Variants in MBNL1 observed in about 807,000 individuals in gnomAD.
The protein encoded by MBNL1 is muscleblind-like protein 1.
Under a neutral mutation model 42.2 loss-of-function variants are expected in MBNL1, and 8 were observed. That is an observed-to-expected ratio of 0.19 (90% CI 0.11 to 0.34). The LOEUF (loss-of-function observed/expected upper bound fraction) is 0.34. MBNL1 is among the 10% of genes least tolerant of loss of function. The pLI, the probability that MBNL1 is intolerant of heterozygous loss-of-function variation, is 1.00. For synonymous variants in MBNL1, 169 were observed against 173.9 expected (o/e 0.97, Z 0.22); for missense variants, 309 against 495.3 (o/e 0.62, Z 3.57).
At chr3:152,250,146 T>C (rs1005883071) in intron 2 of MBNL1, among the ~76,000 whole-genome samples, 1 of 152,094 alleles carries the variant, frequency 6.6e-6, no homozygotes, top group Non-Finnish European at 1.5e-5. Context: ...TTTTTTCCAA[T>C]TCTGTGAAGA....
chr3:152,295,291 A>G (rs558021806), intron 1 of MBNL1, among the ~76,000 whole-genome samples: 1 of 152,234 alleles, frequency 6.6e-6, no homozygotes, highest in South Asian at 2.1e-4. Flanking sequence ...TACTTGAGGG[A>G]TTGTCTGTAA....
At chr3:152,249,524 T>C (rs2034092267) in intron 2 of MBNL1, among the ~76,000 whole-genome samples, 1 of 117,174 alleles carries the variant, frequency 8.5e-6, no homozygotes, top group Non-Finnish European at 1.9e-5. Flanking sequence ...ATTAGCCCTT[T>C]GTCAGATGAG....
intron 2 of MBNL1, among the ~76,000 whole-genome samples, chr3:152,345,235 A>G (rs2094044899): frequency 6.6e-6 from 1 of 152,140 alleles, no homozygotes; most frequent in Non-Finnish European, 1.5e-5. Flanking sequence ...CCCTTTACAC[A>G]TGAAATAACT....
At chr3:152,269,264 G>T (rs1052203571) in intron 1 of MBNL1, 172 bp downstream of exon 1, 11 of 351,450 alleles carry the variant, frequency 3.1e-5, no homozygotes, top group Non-Finnish European at 5.1e-5. Flanking sequence ...CCTCCTGCCC[G>T]GGGGAAGGCG....
intron 2 of MBNL1, among the ~76,000 whole-genome samples, chr3:152,324,561 A>G (rs1158582033): frequency 1.3e-5 from 2 of 152,216 alleles, no homozygotes; most frequent in Admixed American, 1.3e-4. Flanking sequence ...GCAGATGGCA[A>G]CCATAGTTCT....
chr3:152,441,271 C>G (rs542484335), intron 4 of MBNL1, among the ~76,000 whole-genome samples: 2 of 147,256 alleles, frequency 1.4e-5, no homozygotes, highest in Admixed American at 6.6e-5. Flanking sequence ...ATAAAACTTA[C>G]GTTATTTTGA....
At chr3:152,382,551 A>G (rs1384148953) in intron 2 of MBNL1, among the ~76,000 whole-genome samples, 4 of 152,162 alleles carry the variant, frequency 2.6e-5, no homozygotes, top group Non-Finnish European at 4.4e-5. Context: ...GTGCTTCCCT[A>G]GAGGCTCTTT....
intron 2 of MBNL1, among the ~76,000 whole-genome samples, chr3:152,349,199 T>C (rs570234019): frequency 3.3e-4 from 51 of 152,244 alleles, no homozygotes; most frequent in African/African-American, 1.2e-3. Flanking sequence ...ACACTGTACA[T>C]GTTTGAAATA....
At chr3:152,287,095 G>A (rs888899534) in intron 1 of MBNL1, among the ~76,000 whole-genome samples, 1 of 152,050 alleles carries the variant, frequency 6.6e-6, no homozygotes, top group Non-Finnish European at 1.5e-5. Flanking sequence ...GTGGGTGCCT[G>A]TAGTCCCAGC....
At chr3:152,271,333 A>G (rs2041697754) in intron 1 of MBNL1, among the ~76,000 whole-genome samples, 1 of 152,208 alleles carries the variant, frequency 6.6e-6, no homozygotes, top group African/African-American at 2.4e-5. Flanking sequence ...AAAAAAAAAG[A>G]GTAAAATTAT....
intron 1 of MBNL1, among the ~76,000 whole-genome samples, chr3:152,289,129 C>G (rs2054352776): frequency 6.6e-6 from 1 of 152,038 alleles, no homozygotes; most frequent in Non-Finnish European, 1.5e-5. Flanking sequence ...TATGAATACA[C>G]TTCATGTTCT....
At chr3:152,336,596 A>G (rs2090384030) in intron 2 of MBNL1, among the ~76,000 whole-genome samples, 2 of 152,210 alleles carry the variant, frequency 1.3e-5, no homozygotes, top group African/African-American at 2.4e-5. Flanking sequence ...AGTTCCCTCA[A>G]ATTTAAAATA....
intron 2 of MBNL1, chr3:152,340,459 A>G (rs2092856171): frequency 1.3e-6 from 2 of 1,505,798 alleles, no homozygotes; most frequent in Non-Finnish European, 1.8e-6. Flanking sequence ...TAAGTAAAAT[A>G]TCAGACTATG....
chr3:152,249,859 C>A (rs1284570262), intron 2 of MBNL1, among the ~76,000 whole-genome samples: 1 of 148,552 alleles, frequency 6.7e-6, no homozygotes, highest in Non-Finnish European at 1.5e-5. Context: ...TTCCTAGCAC[C>A]ATTTATTAAA....
intron 2 of MBNL1, among the ~76,000 whole-genome samples, chr3:152,315,972 T>C (rs576079177): frequency 6.6e-6 from 1 of 152,218 alleles, no homozygotes; most frequent in African/African-American, 2.4e-5. Context: ...TTTCTGAAGT[T>C]CTCATAATAA....
chr3:152,247,451 A>G (rs2033349724), intron 2 of MBNL1, among the ~76,000 whole-genome samples: 1 of 152,032 alleles, frequency 6.6e-6, no homozygotes, highest in African/African-American at 2.4e-5. Context: ...TGATACATGA[A>G]AAGAAAATAC....
chr3:152,257,066 CTA>C (rs2035546538), intron 2 of MBNL1, among the ~76,000 whole-genome samples: 1 of 152,074 alleles, frequency 6.6e-6, no homozygotes, highest in African/African-American at 2.4e-5. Context: ...GCAATGCATT[CTA>C]TCTTATCATG....
chr3:152,371,974 T>C (rs1180383152), intron 2 of MBNL1, among the ~76,000 whole-genome samples: 1 of 152,222 alleles, frequency 6.6e-6, no homozygotes, highest in African/African-American at 2.4e-5. Flanking sequence ...CATAGTCCCA[T>C]ATTTCTTGGA....
chr3:152,409,397 A>G (rs929112079), intron 2 of MBNL1, among the ~76,000 whole-genome samples: 2 of 152,126 alleles, frequency 1.3e-5, no homozygotes, highest in African/African-American at 4.8e-5. Flanking sequence ...GTGTGAAATA[A>G]TATGGCTTGA....
Sources: gnomAD v4.1 joint callset for allele counts (sites outside exome capture counted in the v4.1 genomes callset) on GRCh38, gnomAD v4.1.1 for gene constraint, MANE v1.5 for transcripts, NCBI Gene and HGNC (gene_info 2026-07-23, HGNC 2026-07-21) for gene names.